LRRC40: variants seen among roughly 807,000 people sequenced by gnomAD.
The protein encoded by LRRC40 is leucine rich repeat containing 40.
In LRRC40, 76 loss-of-function variants were observed where a neutral mutation model predicts 72.8. The observed-to-expected ratio is 1.04, with a 90% confidence interval of 0.87 to 1.26. The LOEUF (loss-of-function observed/expected upper bound fraction) is 1.26. LRRC40 is among the 50% of genes most tolerant of loss of function. LRRC40 has a pLI of 0.00. For missense variants in LRRC40, 684 were observed against 698.9 expected (o/e 0.98, Z 0.24); for synonymous variants, 243 against 254.2 (o/e 0.96, Z 0.42).
At chr1:70,160,761 C>A (rs978268299) in intron 9 of LRRC40, among the ~76,000 whole-genome samples, 1 of 151,770 alleles carries the variant, frequency 6.6e-6, no homozygotes, top group African/African-American at 2.4e-5. Context: ...AAGACTGTTG[C>A]GAGAGAGATT....
chr1:70,164,347 G>A (rs1296670274), intron 9 of LRRC40, among the ~76,000 whole-genome samples: 3 of 151,870 alleles, frequency 2.0e-5, no homozygotes, highest in Admixed American at 6.6e-5. Context: ...CCGAGATCGC[G>A]ACATTGCACT....
chr1:70,161,331 GC>G (rs1667756772), intron 9 of LRRC40, among the ~76,000 whole-genome samples: 1 of 152,146 alleles, frequency 6.6e-6, no homozygotes, highest in South Asian at 2.1e-4. Context: ...TGATCCGCCT[GC>G]CTTGGCCTCC....
At chr1:70,162,663 C>T (rs958293174) in intron 9 of LRRC40, among the ~76,000 whole-genome samples, 1 of 152,074 alleles carries the variant, frequency 6.6e-6, no homozygotes, top group African/African-American at 2.4e-5. Flanking sequence ...TTCATTTATC[C>T]CCCAAACTGT....
At chr1:70,186,711 A>C (rs1420026667) in intron 3 of LRRC40, among the ~76,000 whole-genome samples, 1 of 152,216 alleles carries the variant, frequency 6.6e-6, no homozygotes, top group Non-Finnish European at 1.5e-5. Context: ...CTTTCTTAAA[A>C]GTCTGGGTAT....
rs770408277 is a variant in LRRC40 at position 70,151,080 on chromosome 1, A to T, written c.1517+48T>A. 2.5e-5 allele frequency: 27 copies of T among 1,073,694 alleles called. No homozygotes were observed. The South Asian group carries it at 3.1e-4, about 12-fold the overall frequency. 66.5% of individuals were successfully genotyped at this position (1,073,694 alleles called of 1,614,324 possible). On this transcript the variant is annotated intron_variant, in intron 13 of 14. Coordinates refer to ENST00000370952, the MANE Select transcript of LRRC40 (RefSeq NM_017768.5). The stretch of plus-strand genomic sequence containing the variant: ...GCTTTTGTTTTCTCCAATGAGAAAG[A>T]TCTACATATTTCCACAGAATAACAA...
At position 70,179,069 on chromosome 1, in the gene LRRC40, T is replaced by C. The variant is rs961102821; in HGVS notation, c.662-76A>G. On this transcript the variant is annotated intron_variant, in intron 5 of 14. Transcript: ENST00000370952. ...TCTGATCGTATACAACTTTAAAGAA[T>C]GTGTAAGAAATCGCTATGAGGACTT... is the stretch of plus-strand genomic sequence containing the variant. 18 of 858,238 alleles carry C rather than the reference T, an allele frequency of 2.1e-5. No individual in the cohort carries two copies. The African/African-American group carries it at 2.4e-4, about 11-fold the overall frequency. 53.2% of individuals were successfully genotyped at this position (858,238 alleles called of 1,614,324 possible). A position where few individuals can be genotyped will look rare whatever the true frequency, so the allele number is the denominator to read the frequency against.
At chr1:70,174,795 A>G (rs1479753581) in intron 7 of LRRC40, among the ~76,000 whole-genome samples, 1 of 152,104 alleles carries the variant, frequency 6.6e-6, no homozygotes, top group Non-Finnish European at 1.5e-5. Context: ...ATTGACTGCA[A>G]AAGGTATGAG....
At chr1:70,170,154 A>G (rs2100278885) in intron 9 of LRRC40, among the ~76,000 whole-genome samples, 1 of 152,326 alleles carries the variant, frequency 6.6e-6, no homozygotes, top group South Asian at 2.1e-4. Flanking sequence ...TTTAAATCAC[A>G]CGACCATCTC....
rs1667264006 is a variant in LRRC40 at position 70,145,545 on chromosome 1, T to C, written c.*255A>G. 2 of 258,510 alleles carry C rather than the reference T, an allele frequency of 7.7e-6. No individual in the cohort carries two copies. Among genetic ancestry groups the C allele is most frequent in the Non-Finnish European group, 1.4e-5 (2 of 138,398 alleles). 16.0% of individuals were successfully genotyped at this position (258,510 alleles called of 1,614,324 possible). A position where few individuals can be genotyped will look rare whatever the true frequency, so the allele number is the denominator to read the frequency against. On this transcript the variant is annotated 3_prime_UTR_variant, in exon 15 of 15. Coordinates refer to ENST00000370952, the MANE Select transcript of LRRC40 (RefSeq NM_017768.5). ...TCATAAGCAAAACATTTAGAACAAA[T>C]GTATGAACACATTGTGGTTATCACC...
At chr1:70,163,755 G>C (rs904760618) in intron 9 of LRRC40, among the ~76,000 whole-genome samples, 1 of 152,152 alleles carries the variant, frequency 6.6e-6, no homozygotes, top group Non-Finnish European at 1.5e-5. Flanking sequence ...TGGTGACGGA[G>C]CAAGAAATTA....
intron 14 of LRRC40, among the ~76,000 whole-genome samples, chr1:70,147,351 G>A (rs961980020): frequency 8.5e-5 from 13 of 152,186 alleles, no homozygotes; most frequent in African/African-American, 3.1e-4. Context: ...TAATGCTAAA[G>A]TACTGTCTAG....
At chr1:70,176,035 A>G (rs1571467060) in intron 6 of LRRC40, 53 bp from the exon 7 acceptor site, 1 of 1,108,658 alleles carries the variant, frequency 9.0e-7, no homozygotes, top group East Asian at 2.9e-5. Context: ...TTTATAGTAG[A>G]TAATGAAAAT....
intron 9 of LRRC40, among the ~76,000 whole-genome samples, chr1:70,160,191 G>C (rs565201108): frequency 2.6e-5 from 4 of 152,216 alleles, no homozygotes; most frequent in African/African-American, 9.6e-5. Flanking sequence ...ATGTGAAAAC[G>C]ATGAAACAGT....
chr1:70,166,277 T>G (rs1167619501), intron 9 of LRRC40, among the ~76,000 whole-genome samples: 2 of 152,168 alleles, frequency 1.3e-5, no homozygotes, highest in African/African-American at 4.8e-5. Context: ...TATTTAAATG[T>G]GATTGAACAA....
intron 9 of LRRC40, among the ~76,000 whole-genome samples, chr1:70,159,831 A>G (rs947762397): frequency 3.9e-5 from 6 of 152,228 alleles, no homozygotes; most frequent in African/African-American, 1.4e-4. Flanking sequence ...TGTCTACCAA[A>G]TAAGCATATG....
Position 70,189,176 on chromosome 1 carries a change from A to G in LRRC40, c.249T>C (p.Asp83=), listed in dbSNP as rs766257072. 1.2e-5 allele frequency: 20 copies of G among 1,613,738 alleles called. No individual in the cohort carries two copies. The highest frequency in any genetic ancestry group is 1.7e-5 in the Non-Finnish European group (20 of 1,179,948). Residue 83 remains aspartate (D), a synonymous_variant, in exon 2 of 15, where the codon GAT becomes GAC. Transcript: ENST00000370952. ...GATERWWEQT[D]LTKLIISNNK... The stretch of plus-strand genomic sequence containing the variant: ...TGTTTGATATTATTAGTTTGGTCAA[A>G]TCTGTCTGCTCCCACCATCTTTCAG...
rs571542185 is a variant in LRRC40 at position 70,154,705 on chromosome 1, G to A, written c.1328+984C>T. Among the ~76,000 whole-genome samples, 10 of 152,212 alleles carry A rather than the reference G, an allele frequency of 6.6e-5. No homozygotes were observed. The South Asian group carries it at 2.1e-3, about 32-fold the overall frequency. ...AAAAATTTTTGATAGTCAGATGAAA[G>A]TCATTCAACTTTCTCAATTCATCAC... On this transcript the variant is annotated intron_variant, in intron 11 of 14. Coordinates refer to ENST00000370952, the MANE Select transcript of LRRC40 (RefSeq NM_017768.5).
chr1:70,203,629 T>A (rs563654040), intron 1 of LRRC40, among the ~76,000 whole-genome samples: 1 of 152,228 alleles, frequency 6.6e-6, no homozygotes, highest in Non-Finnish European at 1.5e-5. Context: ...GTACTTTTTA[T>A]GTACCAGGCA....
At chr1:70,197,651 T>C (rs1376200140) in intron 1 of LRRC40, among the ~76,000 whole-genome samples, 2 of 148,624 alleles carry the variant, frequency 1.3e-5, no homozygotes, top group Non-Finnish European at 3.0e-5. Context: ...AACAGCTAAA[T>C]ATAGAAATGA....
Sources: allele counts gnomAD v4.1 joint callset (sites outside exome capture counted in the v4.1 genomes callset), GRCh38; gene constraint gnomAD v4.1.1; transcripts MANE v1.5; gene names NCBI Gene and HGNC (gene_info 2026-07-23, HGNC 2026-07-21).